YJU2B: variants seen among roughly 807,000 people sequenced by gnomAD.
YJU2B encodes the protein YJU2 splicing factor homolog B, also known as probable splicing factor YJU2B.
YJU2B carries 18 observed loss-of-function variants against 38.0 expected under a neutral mutation model. That is an observed-to-expected ratio of 0.47 (90% CI 0.33 to 0.70). The LOEUF (loss-of-function observed/expected upper bound fraction) is 0.70, where lower values mean the gene tolerates loss of function less well. YJU2B is among the 30% of genes least tolerant of loss of function. YJU2B has a pLI of 0.02. For missense variants in YJU2B, 538 were observed against 556.3 expected, an observed-to-expected ratio of 0.97 and a Z score of 0.33; for synonymous variants, 246 against 225.4, an observed-to-expected ratio of 1.09 and a Z score of -0.82.
chr19:13,735,444 T>A (rs985273474), intron 2 of YJU2B, among the ~76,000 whole-genome samples: 1 of 152,048 alleles, frequency 6.6e-6, no homozygotes. Context: ...TCTAAGGACT[T>A]ACAAACACCC....
intron 1 of YJU2B, among the ~76,000 whole-genome samples, chr19:13,748,745 T>C (rs1354088728): frequency 6.6e-6 from 1 of 152,192 alleles, no homozygotes; most frequent in Non-Finnish European, 1.5e-5. Flanking sequence ...GTCACCCAGC[T>C]GATGAGGAGT....
At chr19:13,751,490 C>T (rs1973461241) in intron 1 of YJU2B, 118 bp from the exon 2 acceptor site, 1 of 367,574 alleles carries the variant, frequency 2.7e-6, no homozygotes, top group Non-Finnish European at 5.0e-6. Flanking sequence ...GAAGACCGTG[C>T]TGGCCCACGT....
chr19:13,736,909 C>G (rs1972962968), intron 2 of YJU2B, among the ~76,000 whole-genome samples: 1 of 151,448 alleles, frequency 6.6e-6, no homozygotes. Flanking sequence ...AAGCTGTGAT[C>G]CTAGCTACTC....
At chr19:13,737,026 CAAAAAA>C (rs61619895) in intron 2 of YJU2B, among the ~76,000 whole-genome samples, 13 of 118,002 alleles carry the variant, frequency 1.1e-4, no homozygotes, top group South Asian at 2.8e-4. Context: ...GACTCATTCT[CAAAAAA>C]AAAAAAAAAA....
intron 1 of YJU2B, among the ~76,000 whole-genome samples, chr19:13,749,557 C>G (rs1973375552): frequency 6.6e-6 from 1 of 151,664 alleles, no homozygotes; most frequent in African/African-American, 2.4e-5. Context: ...GACAGAGAAA[C>G]TTTGCCAATC....
intron 4 of YJU2B, 107 bp downstream of exon 4, chr19:13,756,386 T>C: frequency 1.2e-6 from 1 of 836,680 alleles, no homozygotes; most frequent in Admixed American, 2.0e-5. Context: ...CTTCATTCCA[T>C]AAAGCAGAAA....
chr19:13,734,211 A>C (rs1972888537), intron 2 of YJU2B, among the ~76,000 whole-genome samples: 1 of 152,070 alleles, frequency 6.6e-6, no homozygotes, highest in African/African-American at 2.4e-5. Context: ...TACAGGCGTG[A>C]GCCAGCACGC....
At chr19:13,757,876 C>T in intron 6 of YJU2B, 30 bp downstream of exon 6, 1 of 1,601,372 alleles carries the variant, frequency 6.2e-7, no homozygotes, top group Non-Finnish European at 8.6e-7. Context: ...ATCTTGGGAA[C>T]AGGTGGGGTG....
At chr19:13,748,924 T>G (rs1293792646) in intron 1 of YJU2B, among the ~76,000 whole-genome samples, 1 of 152,172 alleles carries the variant, frequency 6.6e-6, no homozygotes, top group Non-Finnish European at 1.5e-5. Context: ...GTAGAACAGT[T>G]TATATCCGGG....
intron 2 of YJU2B, among the ~76,000 whole-genome samples, chr19:13,752,244 C>G (rs916878372): frequency 1.4e-4 from 22 of 151,972 alleles, no homozygotes; most frequent in Admixed American, 3.3e-4. Flanking sequence ...CCTCCCCCTC[C>G]CCTACCCCTT....
Position 13,757,808 on chromosome 19 carries a change from G to C in YJU2B, c.219G>C (p.Lys73Asn), listed in dbSNP as rs753590752. 14 of 1,613,922 alleles carry C rather than the reference G, an allele frequency of 8.7e-6. No homozygotes were observed. The South Asian group carries it at 1.4e-4, about 16-fold the overall frequency. ...IGMGVRYNAE[K>N]KKVGNYYTTP... Reference sequence around the variant, plus strand: ...CAGGTGTTCGTTACAATGCAGAAAAGAAGAAGGTGGGCAATTACTACACAA... The same window carrying C: ...CAGGTGTTCGTTACAATGCAGAAAACAAGAAGGTGGGCAATTACTACACAA... Residue 73 changes from lysine to asparagine, a missense_variant, in exon 6 of 10, where the codon AAG becomes AAC. Lys to Asn is a moderately conservative substitution (Grantham distance 94). Transcript: ENST00000221554.
chr19:13,748,408 A>C (rs1301278090), intron 1 of YJU2B, among the ~76,000 whole-genome samples: 1 of 152,080 alleles, frequency 6.6e-6, no homozygotes, highest in Non-Finnish European at 1.5e-5. Context: ...ATTTGCCCCA[A>C]GTCAAGCAGA....
rs139575681 is a variant in YJU2B at position 13,761,979 on chromosome 19, C to A, written c.574-320C>A. Among the ~76,000 whole-genome samples, 1,482 of 152,272 alleles carry A rather than the reference C, an allele frequency of 9.7e-3. 27 individuals carry two copies. The highest frequency in any genetic ancestry group is 0.033 in the African/African-American group (1,385 of 41,556). On this transcript the variant is annotated intron_variant, in intron 8 of 9. Coordinates refer to ENST00000221554, the MANE Select transcript of YJU2B (RefSeq NM_030818.4). The stretch of plus-strand genomic sequence containing the variant: ...CCTCAAGGGATCCACCCGCCTCAGC[C>A]TCCCAAAGTGCTGGGATTACAGACA...
At chr19:13,752,933 C>T (rs1973525941) in intron 2 of YJU2B, among the ~76,000 whole-genome samples, 2 of 151,536 alleles carry the variant, frequency 1.3e-5, no homozygotes, top group Middle Eastern at 3.4e-3. Flanking sequence ...AAGAAGAAAA[C>T]AAGAGCGACT....
rs1216769896 is a variant in YJU2B at position 13,756,214 on chromosome 19, A to G, written c.75A>G (p.Arg25=). The G allele has an allele frequency of 1.2e-6, 2 of 1,614,026 alleles. No homozygotes were observed. Among genetic ancestry groups the G allele is most frequent in the African/African-American group, 2.7e-5 (2 of 75,020 alleles). Reference sequence around the variant, plus strand: ...CCACACAGCATGGCTCTCTCAACCGATACCACAACAGCCACCCGCTTCGGG... The same window carrying G: ...CCACACAGCATGGCTCTCTCAACCGGTACCACAACAGCCACCCGCTTCGGG... ...FNPEKHGSLN[R]YHNSHPLRER... The change falls in exon 4 of 10, where the codon CGA becomes CGG. Residue 25 remains arginine, a synonymous_variant. Coordinates refer to ENST00000221554, the MANE Select transcript of YJU2B (RefSeq NM_030818.4).
upstream of YJU2B, among the ~76,000 whole-genome samples, chr19:13,744,514 T>C (rs535961584): frequency 5.3e-5 from 8 of 152,336 alleles, no homozygotes; most frequent in African/African-American, 1.9e-4. Context: ...GTCTTTTTTG[T>C]TTAACAAGTT....
At chr19:13,757,872 G>A (rs763348558) in intron 6 of YJU2B, 26 bp downstream of exon 6, 4 of 1,605,776 alleles carry the variant, frequency 2.5e-6, no homozygotes, top group East Asian at 2.2e-5. Context: ...TGGCATCTTG[G>A]GAACAGGTGG....
chr19:13,748,990 C>G (rs1211480046), intron 1 of YJU2B, among the ~76,000 whole-genome samples: 1 of 152,192 alleles, frequency 6.6e-6, no homozygotes, highest in East Asian at 1.9e-4. Context: ...ATCAGAAGCT[C>G]TTCCATCAGC....
intron 2 of YJU2B, 25 bp from the exon 3 acceptor site, chr19:13,754,264 G>A: frequency 1.9e-6 from 3 of 1,602,180 alleles, no homozygotes; most frequent in Non-Finnish European, 2.6e-6. Context: ...CTCTCTCTGA[G>A]TCATGTCTCT....
Sources: allele counts gnomAD v4.1 joint callset (sites outside exome capture counted in the v4.1 genomes callset), GRCh38; gene constraint gnomAD v4.1.1; transcripts MANE v1.5; gene names NCBI Gene and HGNC (gene_info 2026-07-23, HGNC 2026-07-21).